FLNC: variants seen among roughly 807,000 people sequenced by gnomAD.
FLNC encodes the protein filamin-C.
A neutral mutation model predicts 254.3 loss-of-function variants in FLNC; 91 were observed. The ratio of observed to expected loss-of-function variants is 0.36; its 90% CI spans 0.30 to 0.43. FLNC has a LOEUF of 0.43. FLNC is among the 20% of genes least tolerant of loss of function. The probability of loss-of-function intolerance (pLI) is 1.00; values close to 1 mark genes in which losing one functional copy is unlikely to be tolerated. For missense variants in FLNC, 2,853 were observed against 3,802.6 expected, an observed-to-expected ratio of 0.75 and a Z score of 6.57; for synonymous variants, 1,430 against 1,577.2, an observed-to-expected ratio of 0.91 and a Z score of 2.21.
At position 128,853,012 on chromosome 7, in the gene FLNC, C is replaced by T. The variant is rs1408617446; in HGVS notation, c.6189C>T (p.Ile2063=). The change falls in exon 37 of 48, where the codon ATC becomes ATT. Residue 2063 remains isoleucine, a synonymous_variant. Coordinates refer to ENST00000325888, the MANE Select transcript of FLNC (RefSeq NM_001458.5). The part of the protein sequence containing the change: ...EGHTFQVAEF[I]VDTRNAGYGG... Reference sequence around the variant, plus strand: ...ACACATTCCAGGTGGCAGAGTTCATCGTGGACACTCGCAATGCAGGTACCT... The same window carrying T: ...ACACATTCCAGGTGGCAGAGTTCATTGTGGACACTCGCAATGCAGGTACCT... 9 of 1,613,172 alleles carry T rather than the reference C, an allele frequency of 5.6e-6. No homozygotes were observed. The highest frequency in any genetic ancestry group is 1.3e-5 in the African/African-American group (1 of 74,916).
Position 128,840,980 on chromosome 7 carries a change from TG to T in FLNC, c.1813+16del. 1 of 1,581,370 alleles carries T rather than the reference TG, an allele frequency of 6.3e-7. No homozygotes were observed. On this transcript the variant is annotated intron_variant, in intron 11 of 47. Coordinates refer to ENST00000325888, the MANE Select transcript of FLNC (RefSeq NM_001458.5). Reference sequence around the variant, plus strand: ...GAGGTGGGGACACTGGGTAAGTGGCTGGGGGGCAGGAGGAGGGAGTGCTGCG... The same window carrying T: ...GAGGTGGGGACACTGGGTAAGTGGCTGGGGGCAGGAGGAGGGAGTGCTGCG...
At position 128,843,525 on chromosome 7, in the gene FLNC, T is replaced by C. The variant is rs1433482702; in HGVS notation, c.2759T>C (p.Ile920Thr). 6.2e-7 allele frequency: 1 copy of C among 1,613,904 alleles called. No homozygotes were observed. Residue 920 changes from isoleucine to threonine, a missense_variant, in exon 18 of 48, where the codon ATC (isoleucine) becomes ACC (threonine). Physicochemically the swap from Ile to Thr is moderately conservative, Grantham distance 89. Coordinates refer to ENST00000325888, the MANE Select transcript of FLNC (RefSeq NM_001458.5). ...GGCGAGGTTGTGCGGGACTTTGAGA[T>C]CATAGACAACCATGACTACTCCTAC... Reference protein sequence around the residue: ...AKGEVVRDFEIIDNHDYSYTV... With the variant: ...AKGEVVRDFETIDNHDYSYTV...
At chr7:128,855,466 G>A in intron 43 of FLNC, 152 bp downstream of exon 43, 1 of 679,296 alleles carries the variant, frequency 1.5e-6, no homozygotes, top group Non-Finnish European at 2.7e-6. Flanking sequence ...AGGGCCCTTG[G>A]GGACGGTGGG....
chr7:128,853,237 T>C, intron 37 of FLNC: 2 of 709,818 alleles, frequency 2.8e-6, no homozygotes, highest in African/African-American at 1.8e-5. Flanking sequence ...AGCTCAGCTG[T>C]CCTGAGTTTC....
intron 40 of FLNC, 65 bp from the exon 41 acceptor site, chr7:128,854,348 G>C: frequency 1.3e-6 from 2 of 1,595,510 alleles, no homozygotes; most frequent in Non-Finnish European, 1.7e-6. Flanking sequence ...TTAACTGATG[G>C]GGGAGGGAAG....
At position 128,830,575 on chromosome 7, in the gene FLNC, C is replaced by T. The variant is rs1585147484; in HGVS notation, c.-63C>T. 2 of 1,442,550 alleles carry T rather than the reference C, an allele frequency of 1.4e-6. No individual in the cohort carries two copies. Among genetic ancestry groups the T allele is most frequent in the Non-Finnish European group, 1.9e-6 (2 of 1,037,364 alleles). The allele number at this position is 1,442,550 out of a possible 1,614,324, so 89.4% of individuals were successfully genotyped here. On this transcript the variant is annotated 5_prime_UTR_variant, in exon 1 of 48. Transcript: ENST00000325888. ...CCCGTGGTCGCGCCCCAACAGCGCC[C>T]GACAGCCCCCGATAGCCCAAACCGC...
Position 128,847,835 on chromosome 7 carries a change from C to T in FLNC, c.4427C>T (p.Pro1476Leu), listed in dbSNP as rs1562998964. The change falls in exon 25 of 48, where the codon CCC becomes CTC. Residue 1476 changes from proline (P) to leucine (L), a missense_variant. By Grantham distance (98) the Pro-to-Leu change is moderately conservative. Coordinates refer to ENST00000325888, the MANE Select transcript of FLNC (RefSeq NM_001458.5). ...TVDCSQAGRA[P>L]LQVAVLGPTG... ...GATTGCAGTCAAGCTGGCCGGGCGC[C>T]CCTGCAGGTGGCTGTGCTGGGCCCC... 1.2e-6 allele frequency: 2 copies of T among 1,613,660 alleles called. No individual in the cohort carries two copies. Among genetic ancestry groups the T allele is most frequent in the Non-Finnish European group, 1.7e-6 (2 of 1,179,790 alleles).
In FLNC at chr7:128,856,506, T is replaced by C; in HGVS notation, c.7252-12T>C. 6.2e-7 allele frequency: 1 copy of C among 1,611,124 alleles called. No homozygotes were observed. The highest frequency in any genetic ancestry group is 8.5e-7 in the Non-Finnish European group (1 of 1,179,990). On this transcript the variant is annotated splice_polypyrimidine_tract_variant and intron_variant, in intron 43 of 47. Transcript: ENST00000325888. This position sits in a 1 kb window ranked among gnomAD's most constrained non-coding sequence, Gnocchi z 5.9. ...CTCCCAGGAGTCTGAGCATCCTCCGTGGCCTTTGCAGGAGACGGGGCTCAA... is the reference window on the plus strand; with the variant it reads ...CTCCCAGGAGTCTGAGCATCCTCCGCGGCCTTTGCAGGAGACGGGGCTCAA...
At chr7:128,850,253 G>A (rs753857232) in intron 31 of FLNC, 131 bp from the exon 32 acceptor site, 6 of 956,290 alleles carry the variant, frequency 6.3e-6, no homozygotes, top group Non-Finnish European at 8.5e-6. Flanking sequence ...TGCAGCTGAC[G>A]CACCTCTCCT....
At chr7:128,831,161 G>C (rs1807876087) in intron 1 of FLNC, among the ~76,000 whole-genome samples, 172 bp downstream of exon 1, 1 of 152,142 alleles carries the variant, frequency 6.6e-6, no homozygotes, top group African/African-American at 2.4e-5. Context: ...AAGGGCCATG[G>C]GCACTGCCTG....
In FLNC at chr7:128,835,209, A is replaced by G; in HGVS notation, c.353-117A>G. On this transcript the variant is annotated intron_variant, in intron 1 of 47. Transcript: ENST00000325888. The surrounding 1 kb of genome is among the most constrained non-coding windows in gnomAD (Gnocchi z 5.3). ...AGGAGGGAGAGGGTCAGGTAGGCAG[A>G]GACTAGAGGCCTGACCCCAGAGCTC... The G allele has an allele frequency of 7.3e-7, 1 of 1,376,248 alleles. No homozygotes were observed. Among genetic ancestry groups the G allele is most frequent in the South Asian group, 1.2e-5 (1 of 84,790 alleles). The allele number at this position is 1,376,248 out of a possible 1,614,324, so 85.3% of individuals were successfully genotyped here.
At chr7:128,855,105 C>T (rs898864697) in intron 42 of FLNC, 94 bp from the exon 43 acceptor site, 7 of 1,098,954 alleles carry the variant, frequency 6.4e-6, no homozygotes, top group Non-Finnish European at 9.8e-6. Context: ...GAGCGCTGAC[C>T]ACAGAGCCTT....
At chr7:128,843,166 A>T (rs747376308) in intron 16 of FLNC, 63 bp from the exon 17 acceptor site, 12 of 1,489,218 alleles carry the variant, frequency 8.1e-6, no homozygotes, top group Non-Finnish European at 1.1e-5. Flanking sequence ...CTGAGCCAGC[A>T]TCTAGCTGAG....
At chr7:128,837,874 C>A in intron 5 of FLNC, 113 bp from the exon 6 acceptor site, 1 of 1,370,330 alleles carries the variant, frequency 7.3e-7, no homozygotes, top group Non-Finnish European at 1.0e-6. Context: ...GCTGTGCAGT[C>A]TGGGGAAGGT....
At chr7:128,847,598 C>T in intron 24 of FLNC, 99 bp from the exon 25 acceptor site, 1 of 1,385,434 alleles carries the variant, frequency 7.2e-7, no homozygotes, top group Non-Finnish European at 1.0e-6. Flanking sequence ...TCCCTGTGGG[C>T]ATTTCAAAGG....
intron 1 of FLNC, 113 bp downstream of exon 1, chr7:128,831,102 C>A: frequency 1.0e-6 from 1 of 977,714 alleles, no homozygotes; most frequent in Non-Finnish European, 1.5e-6. Flanking sequence ...CGGAGGGCAC[C>A]CCCCGGTATA....
Position 128,858,575 on chromosome 7 carries a change from TTA to T in FLNC, c.*53_*54del. 4 of 1,168,338 alleles carry T rather than the reference TTA, an allele frequency of 3.4e-6. No homozygotes were observed. Among genetic ancestry groups the T allele is most frequent in the Non-Finnish European group, 1.3e-6 (1 of 798,524 alleles). 72.4% of individuals were successfully genotyped at this position (1,168,338 alleles called of 1,614,324 possible). On this transcript the variant is annotated 3_prime_UTR_variant, in exon 48 of 48. Transcript: ENST00000325888. The surrounding 1 kb of genome is among the most constrained non-coding windows in gnomAD (Gnocchi z 6.7). ...GCCCCCACCTCCAGCCACACACACA[TTA>T]CACACACACACACACACACACAAAT...
At chr7:128,850,193 G>A in intron 31 of FLNC, 119 bp downstream of exon 31, 1 of 1,009,346 alleles carries the variant, frequency 9.9e-7, no homozygotes, top group Non-Finnish European at 1.5e-6. Flanking sequence ...GAGCAGGCAA[G>A]AGTTAGGCTG....
intron 24 of FLNC, 61 bp from the exon 25 acceptor site, chr7:128,847,636 C>A: frequency 6.2e-7 from 1 of 1,605,434 alleles, no homozygotes; most frequent in Non-Finnish European, 8.5e-7. Flanking sequence ...TCCGAGGCTC[C>A]TCAGCATCAG....
Sources: gnomAD v4.1 joint callset for allele counts (sites outside exome capture counted in the v4.1 genomes callset) on GRCh38, gnomAD v4.1.1 for gene constraint, Gnocchi (gnomAD v3.1) non-coding constraint, MANE v1.5 for transcripts, NCBI Gene and HGNC (gene_info 2026-07-23, HGNC 2026-07-21) for gene names.